MBTPS1: variants seen among roughly 807,000 people sequenced by gnomAD.
The protein encoded by MBTPS1 is membrane bound transcription factor peptidase, site 1.
A neutral mutation model predicts 127.8 loss-of-function variants in MBTPS1; 94 were observed. The ratio of observed to expected loss-of-function variants is 0.74; its 90% CI spans 0.62 to 0.87. MBTPS1 has a LOEUF of 0.87. Ranked by LOEUF, MBTPS1 falls within the 40% of genes least tolerant of loss-of-function variation. The pLI is 0.00. For missense variants in MBTPS1, 1,636 were observed against 1,353.2 expected (o/e 1.21, Z -3.28); for synonymous variants, 632 against 509.4 (o/e 1.24, Z -3.24).
At chr16:84,063,907 G>A (rs2085647487) in intron 18 of MBTPS1, among the ~76,000 whole-genome samples, 2 of 152,168 alleles carry the variant, frequency 1.3e-5, no homozygotes, top group South Asian at 2.1e-4. Context: ...GTTTTATTAT[G>A]AAAAGCTAGG....
chr16:84,076,979 A>G (rs1251676180), intron 11 of MBTPS1, among the ~76,000 whole-genome samples: 1 of 152,204 alleles, frequency 6.6e-6, no homozygotes, highest in African/African-American at 2.4e-5. Context: ...TCATCCCAGC[A>G]CTTTGGGAGG....
At chr16:84,082,953 A>G (rs1363951687) in intron 10 of MBTPS1, among the ~76,000 whole-genome samples, 1 of 152,188 alleles carries the variant, frequency 6.6e-6, no homozygotes, top group African/African-American at 2.4e-5. Flanking sequence ...AGAGATCACA[A>G]CGGCAGTTTC....
chr16:84,093,729 C>A lies in MBTPS1; in HGVS notation c.718G>T (p.Glu240Ter). 1.9e-6 allele frequency: 3 copies of A among 1,613,836 alleles called. No homozygotes were observed. Among genetic ancestry groups the A allele is most frequent in the Non-Finnish European group, 2.5e-6 (3 of 1,179,714 alleles). Residue 240 changes from glutamate to a stop codon, truncating the protein, a stop_gained, in exon 5 of 23, where the codon GAG (glutamate) becomes TAG (stop). Transcript: ENST00000343411. LOFTEE classifies it high-confidence loss of function. ...NVKERTNWTN[E>*]RTLDDGLGHG... is the part of the protein sequence containing the mutation. ...GACCCACCATCGTCCAGCGTTCGCT[C>A]GTTGGTCCAGTTGGTTCTCTCCTTC... is the stretch of plus-strand genomic sequence containing the variant.
intron 11 of MBTPS1, among the ~76,000 whole-genome samples, chr16:84,080,421 C>T (rs1269891464): frequency 1.3e-5 from 2 of 152,224 alleles, no homozygotes; most frequent in African/African-American, 4.8e-5. Flanking sequence ...CGAAACATGC[C>T]CCCACAAGAC....
rs2085594683 is a variant in MBTPS1 at position 84,060,574 on chromosome 16, C to T, written c.2704+108G>A. The T allele has an allele frequency of 1.5e-5, 20 of 1,290,954 alleles. No individual in the cohort carries two copies. In the Middle Eastern group the frequency reaches 7.6e-4, roughly 49 times the overall value. 80.0% of individuals were successfully genotyped at this position (1,290,954 alleles called of 1,614,324 possible). On this transcript the variant is annotated intron_variant, in intron 20 of 22. Coordinates refer to ENST00000343411, the MANE Select transcript of MBTPS1 (RefSeq NM_003791.4). ...AGCCATTACGAAAACCACTCAGCGG[C>T]GCACACAAACTGGCCCCACTTGCTG...
rs945042758 is a variant in MBTPS1 at position 84,101,949 on chromosome 16, G to C, written c.-166C>G. 5 of 625,990 alleles carry C rather than the reference G, an allele frequency of 8.0e-6. No individual in the cohort carries two copies. The highest frequency in any genetic ancestry group is 1.9e-5 in the African/African-American group (1 of 53,998). 38.8% of individuals were successfully genotyped at this position (625,990 alleles called of 1,614,324 possible). A position where few individuals can be genotyped will look rare whatever the true frequency, so the allele number is the denominator to read the frequency against. On this transcript the variant is annotated 5_prime_UTR_variant, in exon 2 of 23. Transcript: ENST00000343411. ...AAGTTAAATCCCATGGCCTTTTGTG[G>C]TTCAGCCTGAAGAGAGGCTTTCATT...
intron 10 of MBTPS1, among the ~76,000 whole-genome samples, chr16:84,083,920 T>C (rs963792805): frequency 2.6e-5 from 4 of 152,126 alleles, no homozygotes; most frequent in East Asian, 1.9e-4. Flanking sequence ...AGTGAGAACA[T>C]GTGAACATCA....
At chr16:84,062,806 G>T (rs931954206) in intron 19 of MBTPS1, among the ~76,000 whole-genome samples, 1 of 152,106 alleles carries the variant, frequency 6.6e-6, no homozygotes, top group South Asian at 2.1e-4. Flanking sequence ...TCCCCTTCAC[G>T]CCTCGAGATA....
intron 8 of MBTPS1, among the ~76,000 whole-genome samples, chr16:84,089,780 G>T (rs2086078462): frequency 6.6e-6 from 1 of 152,208 alleles, no homozygotes; most frequent in African/African-American, 2.4e-5. Context: ...AAAGACTCAA[G>T]ATTGGAAAAC....
rs2085685848 is a variant in MBTPS1, at chr16:84,066,539, C to T, written c.2303G>A (p.Gly768Glu). The T allele has an allele frequency of 6.2e-7, 1 of 1,614,166 alleles. No homozygotes were observed. The highest frequency in any genetic ancestry group is 1.3e-5 in the African/African-American group (1 of 75,032). Residue 768 changes from glycine to glutamate, a missense_variant, in exon 17 of 23, where the codon GGG becomes GAG. Gly to Glu is a moderately conservative substitution (Grantham distance 98). Coordinates refer to ENST00000343411, the MANE Select transcript of MBTPS1 (RefSeq NM_003791.4). ...LNELLSVWNM[G>E]FSDGLYEGEF... ...CCCTTCATACAGGCCATCGCTGAAC[C>T]CCATGTTCCACACAGACAGCAGCTC...
chr16:84,061,168 G>C (rs528013116), intron 19 of MBTPS1: 1 of 167,042 alleles, frequency 6.0e-6, no homozygotes, highest in East Asian at 1.7e-4. Context: ...TTTTAAGTTA[G>C]TCCCCAAAAG....
intron 11 of MBTPS1, among the ~76,000 whole-genome samples, chr16:84,075,901 G>C (rs545034643): frequency 1.3e-5 from 2 of 152,308 alleles, no homozygotes; most frequent in African/African-American, 4.8e-5. Context: ...ATCCTGAATG[G>C]ATCGGCCATG....
rs2151136789 is a variant in MBTPS1, at chr16:84,054,326, C to G, written c.*123G>C. Reference sequence around the variant, plus strand: ...GGAGGGCAGGCCCATGTAGAACAGACTCTAACAAACCTGCAGCTGGAAACT... The same window carrying G: ...GGAGGGCAGGCCCATGTAGAACAGAGTCTAACAAACCTGCAGCTGGAAACT... On this transcript the variant is annotated 3_prime_UTR_variant, in exon 23 of 23. Transcript: ENST00000343411. 4.7e-6 allele frequency: 4 copies of G among 859,070 alleles called. No homozygotes were observed. Among genetic ancestry groups the G allele is most frequent in the Non-Finnish European group, 6.9e-6 (4 of 580,214 alleles). The allele number at this position is 859,070 out of a possible 1,614,324, so 53.2% of individuals were successfully genotyped here. A position where few individuals can be genotyped will look rare whatever the true frequency, so the allele number is the denominator to read the frequency against.
intron 17 of MBTPS1, 41 bp downstream of exon 17, chr16:84,066,448 T>A: frequency 5.0e-6 from 8 of 1,604,876 alleles, no homozygotes; most frequent in Non-Finnish European, 6.8e-6. Context: ...GAGCTTCTGC[T>A]CTCACACCTA....
intron 16 of MBTPS1, 45 bp from the exon 17 acceptor site, chr16:84,066,658 A>C: frequency 6.3e-7 from 1 of 1,592,866 alleles, no homozygotes; most frequent in Non-Finnish European, 8.6e-7. Flanking sequence ...GAATGAAGAC[A>C]CTCCATACAC....
rs1383099353 is a variant in MBTPS1 at position 84,065,673 on chromosome 16, T to C, written c.2431+17A>G. 1 of 1,591,738 alleles carries C rather than the reference T, an allele frequency of 6.3e-7. No homozygotes were observed. The highest frequency in any genetic ancestry group is 8.6e-7 in the Non-Finnish European group (1 of 1,159,828). On this transcript the variant is annotated intron_variant, in intron 18 of 22. Coordinates refer to ENST00000343411, the MANE Select transcript of MBTPS1 (RefSeq NM_003791.4). Reference sequence around the variant, plus strand: ...AGAGAAAGAAGAAGCAAAAGGCCCATGAATGGCATCCTTTACCTTGGTCCT... The same window carrying C: ...AGAGAAAGAAGAAGCAAAAGGCCCACGAATGGCATCCTTTACCTTGGTCCT...
At chr16:84,076,258 T>C (rs78713159) in intron 11 of MBTPS1, among the ~76,000 whole-genome samples, 8 of 148,848 alleles carry the variant, frequency 5.4e-5, no homozygotes, top group African/African-American at 1.5e-4. Context: ...AAAACAGCAC[T>C]AGACAGATAA....
intron 12 of MBTPS1, 116 bp from the exon 13 acceptor site, chr16:84,070,892 T>C (rs1444489926): frequency 6.7e-6 from 5 of 750,634 alleles, no homozygotes; most frequent in Admixed American, 3.0e-5. Context: ...CTTCACTAAA[T>C]AGGGAAAAAT....
chr16:84,074,889 G>C (rs963489691), intron 11 of MBTPS1, 148 bp from the exon 12 acceptor site: 1 of 632,176 alleles, frequency 1.6e-6, no homozygotes, highest in South Asian at 2.0e-5. Context: ...TGGGAACTTG[G>C]CTCTGGAATG....
Sources: gnomAD v4.1 joint callset for allele counts (sites outside exome capture counted in the v4.1 genomes callset) on GRCh38, gnomAD v4.1.1 for gene constraint, MANE v1.5 for transcripts, NCBI Gene and HGNC (gene_info 2026-07-23, HGNC 2026-07-21) for gene names.